The following DNM1L variants were observed in gnomAD, a reference collection of about 807,000 sequenced individuals.
The protein encoded by DNM1L is dynamin 1L.
DNM1L carries 33 observed loss-of-function variants against 92.8 expected under a neutral mutation model. The ratio of observed to expected loss-of-function variants is 0.36; its 90% CI spans 0.27 to 0.48. The LOEUF is 0.48. Among genes scored for constraint, DNM1L ranks in the 20% least tolerant of loss-of-function variants. The pLI, the probability that DNM1L is intolerant of heterozygous loss-of-function variation, is 0.99. For missense variants in DNM1L, 485 were observed against 888.8 expected (o/e 0.55, Z 5.78); for synonymous variants, 284 against 305.0 (o/e 0.93, Z 0.72).
chr12:32,723,376 G>T (rs1953893577), intron 9 of DNM1L, among the ~76,000 whole-genome samples: 1 of 152,100 alleles, frequency 6.6e-6, no homozygotes, highest in African/African-American at 2.4e-5. Context: ...GAATGAAAAA[G>T]ATTATTTTGC....
chr12:32,738,346 G>A, intron 16 of DNM1L, 50 bp downstream of exon 16: 1 of 1,597,702 alleles, frequency 6.3e-7, no homozygotes, highest in Non-Finnish European at 8.6e-7. Context: ...GGTTCTCACT[G>A]AAACACTGTC....
chr12:32,714,502 G>T (rs901794224), intron 6 of DNM1L, among the ~76,000 whole-genome samples: 1 of 151,592 alleles, frequency 6.6e-6, no homozygotes, highest in Non-Finnish European at 1.5e-5. Context: ...TCGATCTCCT[G>T]ACCTCGTGAT....
At chr12:32,688,832 A>G (rs1037206047) in intron 1 of DNM1L, among the ~76,000 whole-genome samples, 4 of 152,212 alleles carry the variant, frequency 2.6e-5, no homozygotes, top group African/African-American at 9.6e-5. Flanking sequence ...CCAAGAAAAA[A>G]TTCCTTCCTA....
chr12:32,732,761 G>C (rs988485188), intron 12 of DNM1L, among the ~76,000 whole-genome samples: 15 of 152,128 alleles, frequency 9.9e-5, no homozygotes, highest in Admixed American at 6.5e-5. Context: ...TGATACCTGA[G>C]ATTTGTTAGG....
intron 13 of DNM1L, among the ~76,000 whole-genome samples, chr12:32,735,472 T>C (rs1022098382): frequency 4.6e-5 from 7 of 152,340 alleles, no homozygotes; most frequent in African/African-American, 1.7e-4. Flanking sequence ...ATTTTTTATT[T>C]TGAAGATTGT....
intron 7 of DNM1L, 133 bp from the exon 8 acceptor site, chr12:32,720,531 A>G: frequency 2.2e-6 from 3 of 1,366,924 alleles, no homozygotes; most frequent in Non-Finnish European, 3.0e-6. Flanking sequence ...TACCTGCCAC[A>G]TAAAATTATT....
intron 1 of DNM1L, among the ~76,000 whole-genome samples, chr12:32,689,618 G>A (rs918572661): frequency 6.7e-6 from 1 of 148,484 alleles, no homozygotes; most frequent in African/African-American, 2.5e-5. Flanking sequence ...AAAATAAAAA[G>A]TAAAATATTG....
At chr12:32,736,758 C>T (rs530796319) in intron 13 of DNM1L, among the ~76,000 whole-genome samples, 2 of 152,260 alleles carry the variant, frequency 1.3e-5, no homozygotes, top group East Asian at 1.9e-4. Context: ...AGGCTTACCA[C>T]GTTCCACATT....
rs1367560642 is a variant in DNM1L, at chr12:32,717,405, TA to T, written c.620-1236del. On this transcript the variant is annotated intron_variant, in intron 6 of 19. Coordinates refer to ENST00000549701, the MANE Select transcript of DNM1L (RefSeq NM_012062.5). Reference sequence around the variant, plus strand: ...TATAATATATAGTATATATAATATATAATATATATTTTAAATATATACTATA... The same window carrying T: ...TATAATATATAGTATATATAATATATATATATATTTTAAATATATACTATA... 1.7e-4 allele frequency among the ~76,000 whole-genome samples: 12 copies of T among 71,330 alleles called. 1 individual carries two copies. Among genetic ancestry groups the T allele is most frequent in the Middle Eastern group, 7.2e-3 (1 of 138 alleles). 46.8% of individuals were successfully genotyped at this position (71,330 alleles called of 152,430 possible). A position where few individuals can be genotyped will look rare whatever the true frequency, so the allele number is the denominator to read the frequency against.
chr12:32,685,725 G>T (rs1375330274), intron 1 of DNM1L, among the ~76,000 whole-genome samples: 1 of 148,518 alleles, frequency 6.7e-6, no homozygotes, highest in African/African-American at 2.5e-5. Context: ...ATCAACACTT[G>T]TTGTTATCTT....
chr12:32,691,651 A>G (rs1279582451), intron 1 of DNM1L, among the ~76,000 whole-genome samples: 1 of 152,218 alleles, frequency 6.6e-6, no homozygotes, highest in Non-Finnish European at 1.5e-5. Flanking sequence ...GGAAGACACA[A>G]TTAAGTCTGT....
intron 13 of DNM1L, among the ~76,000 whole-genome samples, chr12:32,734,636 G>A (rs754428447): frequency 2.0e-5 from 3 of 152,028 alleles, no homozygotes; most frequent in African/African-American, 4.8e-5. Context: ...GTGAAACCCC[G>A]TCTCTACTAA....
At chr12:32,681,509 A>G (rs1207593789) in intron 1 of DNM1L, among the ~76,000 whole-genome samples, 1 of 151,066 alleles carries the variant, frequency 6.6e-6, no homozygotes, top group Admixed American at 6.6e-5. Context: ...GCAGGAGTGC[A>G]TGTCACTGCA....
chr12:32,729,010 C>T (rs1458719938), intron 9 of DNM1L: 1 of 152,126 alleles, frequency 6.6e-6, no homozygotes, highest in African/African-American at 2.4e-5. Flanking sequence ...CCAGGATGGT[C>T]TCGATCTCAT....
intron 6 of DNM1L, among the ~76,000 whole-genome samples, chr12:32,717,357 GTA>G (rs1184483912): frequency 3.6e-5 from 2 of 54,942 alleles, no homozygotes; most frequent in African/African-American, 8.3e-5. Flanking sequence ...ATTATATATA[GTA>G]TATATAATAT....
At chr12:32,700,741 G>GTAA (rs1049274644) in intron 1 of DNM1L, among the ~76,000 whole-genome samples, 1 of 151,942 alleles carries the variant, frequency 6.6e-6, no homozygotes, top group South Asian at 2.1e-4. Context: ...GTGACACACT[G>GTAA]TAATAATAAT....
chr12:32,718,036 T>C (rs1018142368), intron 6 of DNM1L, among the ~76,000 whole-genome samples: 21 of 127,878 alleles, frequency 1.6e-4, no homozygotes, highest in Non-Finnish European at 2.8e-4. Context: ...AAATATATAC[T>C]ATACATACTA....
chr12:32,705,003 T>TG (rs1184718223), intron 2 of DNM1L, among the ~76,000 whole-genome samples: 7 of 148,560 alleles, frequency 4.7e-5, no homozygotes, highest in Non-Finnish European at 7.5e-5. Context: ...AGGCAAAGTT[T>TG]TTTTTTTTTT....
intron 5 of DNM1L, among the ~76,000 whole-genome samples, chr12:32,711,705 G>A (rs1953131188): frequency 6.6e-6 from 1 of 151,910 alleles, no homozygotes; most frequent in African/African-American, 2.4e-5. Context: ...GACCAGCCTG[G>A]GCAACATAGG....
Sources: allele counts gnomAD v4.1 joint callset (sites outside exome capture counted in the v4.1 genomes callset), GRCh38; gene constraint gnomAD v4.1.1; transcripts MANE v1.5; gene names NCBI Gene and HGNC (gene_info 2026-07-23, HGNC 2026-07-21).